Variants in DOCK1 observed in about 807,000 individuals in gnomAD.
DOCK1 encodes the protein dedicator of cytokinesis 1.
Under a neutral mutation model 262.7 loss-of-function variants are expected in DOCK1, and 138 were observed. That is an observed-to-expected ratio of 0.53 (90% confidence interval 0.46 to 0.61). DOCK1 has a LOEUF of 0.61. DOCK1 is among the 20% of genes least tolerant of loss of function. The pLI is 0.00. For synonymous variants in DOCK1, 866 were observed against 867.4 expected (o/e 1.00, Z 0.03); for missense variants, 1,908 against 2,370.7 (o/e 0.80, Z 4.05).
chr10:127,305,831 G>GT (rs938668295), intron 29 of DOCK1, among the ~76,000 whole-genome samples: 1 of 152,122 alleles, frequency 6.6e-6, no homozygotes, highest in African/African-American at 2.4e-5. Context: ...TTTTCGTTTT[G>GT]TTTTTTCAGT....
At chr10:126,974,710 G>C (rs539111222) in intron 2 of DOCK1, among the ~76,000 whole-genome samples, 2 of 152,048 alleles carry the variant, frequency 1.3e-5, no homozygotes, top group African/African-American at 4.8e-5. Context: ...CATGCAGCAG[G>C]GTTTGTGGTG....
At chr10:126,906,328 T>C (rs1440876090) in intron 1 of DOCK1, among the ~76,000 whole-genome samples, 1 of 152,152 alleles carries the variant, frequency 6.6e-6, no homozygotes, top group Non-Finnish European at 1.5e-5. Context: ...CCCTTGCGGC[T>C]GAATAGACGG....
At chr10:127,290,599 C>A (rs10764941) in intron 29 of DOCK1, among the ~76,000 whole-genome samples, 32,363 of 152,036 alleles carry the variant, frequency 0.21, 3,549 homozygotes, top group African/African-American at 0.27. Flanking sequence ...CGCCCTACCC[C>A]GTTTCTGACA....
chr10:127,400,834 C>T (rs1369946479), intron 38 of DOCK1, among the ~76,000 whole-genome samples: 1 of 152,128 alleles, frequency 6.6e-6, no homozygotes, highest in Non-Finnish European at 1.5e-5. Flanking sequence ...TTTGGCTAAG[C>T]CAACTTTGGG....
rs1168190903 is a variant in DOCK1 at position 126,947,340 on chromosome 10, T to TTGG, written c.47-23359_47-23357dup. On this transcript the variant is annotated intron_variant, in intron 1 of 51. Transcript: ENST00000623213. ...ATGGTGGTGGTTGGTAGTATTACTG[T>TTGG]TGGTGATGGTGGTGGTTGGTAGTAT... Among the ~76,000 whole-genome samples the TTGG allele has an allele frequency of 2.9e-3, 346 of 119,338 alleles. 1 individual carries two copies. The highest frequency in any genetic ancestry group is 6.4e-3 in the African/African-American group (194 of 30,258). The allele number at this position is 119,338 out of a possible 152,430, so 78.3% of individuals were successfully genotyped here.
At chr10:127,182,801 C>A (rs1440174184) in intron 27 of DOCK1, among the ~76,000 whole-genome samples, 1 of 152,038 alleles carries the variant, frequency 6.6e-6, no homozygotes, top group Non-Finnish European at 1.5e-5. Flanking sequence ...ATGACAGTGA[C>A]AGAGTGTGAG....
At chr10:126,948,811 C>G (rs1319955371) in intron 1 of DOCK1, among the ~76,000 whole-genome samples, 1 of 152,032 alleles carries the variant, frequency 6.6e-6, no homozygotes, top group African/African-American at 2.4e-5. Context: ...ATTTTCCATC[C>G]TCTCCCTCAA....
intron 1 of DOCK1, among the ~76,000 whole-genome samples, chr10:126,931,486 C>G (rs944898605): frequency 1.3e-5 from 2 of 151,872 alleles, no homozygotes; most frequent in Non-Finnish European, 2.9e-5. Flanking sequence ...GGAGCCCGAG[C>G]TGAGCTGAGC....
intron 28 of DOCK1, among the ~76,000 whole-genome samples, chr10:127,251,116 C>A (rs188266029): frequency 7.9e-5 from 12 of 151,992 alleles, no homozygotes; most frequent in Admixed American, 4.6e-4. Context: ...GCATGCACCA[C>A]CACACCCGGC....
At chr10:127,185,355 G>A (rs537106385) in intron 27 of DOCK1, among the ~76,000 whole-genome samples, 18 of 152,006 alleles carry the variant, frequency 1.2e-4, no homozygotes, top group African/African-American at 3.9e-4. Flanking sequence ...GGTGAATCCC[G>A]TCTCTACTAA....
At chr10:127,052,657 T>C in intron 21 of DOCK1, 24 bp from the exon 22 acceptor site, 1 of 1,613,972 alleles carries the variant, frequency 6.2e-7, no homozygotes. Flanking sequence ...TGAGCTTATT[T>C]GTGCGTGTTT....
At chr10:127,349,733 C>T (rs2063796443) in intron 31 of DOCK1, among the ~76,000 whole-genome samples, 2 of 152,176 alleles carry the variant, frequency 1.3e-5, no homozygotes, top group Non-Finnish European at 2.9e-5. Context: ...GAGGGAGAAG[C>T]TATTCCCTGC....
intron 38 of DOCK1, among the ~76,000 whole-genome samples, chr10:127,395,933 G>A (rs948462272): frequency 1.3e-5 from 2 of 152,240 alleles, no homozygotes; most frequent in African/African-American, 4.8e-5. Flanking sequence ...AGAGCAGATG[G>A]AGGTCCTTTC....
intron 25 of DOCK1, among the ~76,000 whole-genome samples, chr10:127,119,562 C>T (rs2049412273): frequency 6.6e-6 from 1 of 152,114 alleles, no homozygotes; most frequent in African/African-American, 2.4e-5. Flanking sequence ...CCTGTGGGTC[C>T]AGGATTCTTA....
intron 30 of DOCK1, among the ~76,000 whole-genome samples, chr10:127,340,552 G>A (rs1410798311): frequency 2.6e-5 from 4 of 152,116 alleles, no homozygotes; most frequent in African/African-American, 9.7e-5. Context: ...CTGTGCTACC[G>A]TGAGGGCTGT....
intron 1 of DOCK1, among the ~76,000 whole-genome samples, chr10:126,951,404 CTAA>C (rs1164374989): frequency 1.4e-5 from 2 of 141,890 alleles, no homozygotes; most frequent in Non-Finnish European, 3.1e-5. Flanking sequence ...AGTAGTATTG[CTAA>C]TATTAGTGAT....
At chr10:127,274,872 G>T (rs2489407) in intron 29 of DOCK1, among the ~76,000 whole-genome samples, 9 of 151,924 alleles carry the variant, frequency 5.9e-5, no homozygotes, top group Admixed American at 5.9e-4. Context: ...TGTGGGGTAG[G>T]GTGTGCTTTG....
chr10:127,018,578 A>G, intron 12 of DOCK1, 132 bp from the exon 13 acceptor site: 1 of 1,442,560 alleles, frequency 6.9e-7, no homozygotes, highest in Non-Finnish European at 9.5e-7. Context: ...TCTCTTTCTC[A>G]TATACCCACC....
intron 1 of DOCK1, among the ~76,000 whole-genome samples, chr10:126,970,013 G>A (rs2037979957): frequency 6.6e-6 from 1 of 152,250 alleles, no homozygotes; most frequent in Non-Finnish European, 1.5e-5. Flanking sequence ...TAAATTGAGA[G>A]TGGGCTAGTT....
Sources: allele counts gnomAD v4.1 joint callset (sites outside exome capture counted in the v4.1 genomes callset), GRCh38; gene constraint gnomAD v4.1.1; transcripts MANE v1.5; gene names NCBI Gene and HGNC (gene_info 2026-07-23, HGNC 2026-07-21).